Variants in SGCD observed in about 807,000 individuals in gnomAD.
The protein encoded by SGCD is delta-sarcoglycan.
A neutral mutation model predicts 36.6 loss-of-function variants in SGCD; 18 were observed. The observed-to-expected ratio is 0.49, with a 90% CI of 0.34 to 0.73. The LOEUF (loss-of-function observed/expected upper bound fraction) is 0.73, where lower values mean the gene tolerates loss of function less well. Ranked by LOEUF, SGCD falls within the 30% of genes least tolerant of loss-of-function variation. The pLI, the probability that SGCD is intolerant of heterozygous loss-of-function variation, is 0.01. For missense variants in SGCD, 387 were observed against 346.7 expected (o/e 1.12, Z -0.92); for synonymous variants, 133 against 130.6 (o/e 1.02, Z -0.12).
chr5:156,651,006 T>C (rs1422835513), intron 7 of SGCD, among the ~76,000 whole-genome samples: 2 of 152,190 alleles, frequency 1.3e-5, no homozygotes, highest in Admixed American at 6.6e-5. Context: ...TTTTTAATAA[T>C]AGTCATTCTG....
intron 6 of SGCD, among the ~76,000 whole-genome samples, chr5:156,627,487 T>C (rs1200772410): frequency 6.6e-6 from 1 of 152,044 alleles, no homozygotes; most frequent in East Asian, 1.9e-4. Flanking sequence ...TAAAAGGGAG[T>C]CTTTATATGA....
At chr5:156,049,506 A>C (rs1469752883) in intron 1 of SGCD, among the ~76,000 whole-genome samples, 1 of 146,088 alleles carries the variant, frequency 6.8e-6, no homozygotes, top group Non-Finnish European at 1.5e-5. Context: ...TTAATTGAGC[A>C]GTGGTTTGTA....
chr5:156,220,362 A>G (rs1435457790), intron 3 of SGCD, among the ~76,000 whole-genome samples: 2 of 152,178 alleles, frequency 1.3e-5, no homozygotes, highest in Non-Finnish European at 2.9e-5. Context: ...TTAATGCTAT[A>G]AAGAATTCAT....
intron 3 of SGCD, among the ~76,000 whole-genome samples, chr5:156,488,283 T>A (rs1755792968): frequency 6.6e-6 from 1 of 151,884 alleles, no homozygotes; most frequent in African/African-American, 2.4e-5. Flanking sequence ...GCTTTTCAAT[T>A]TTTACAAAAG....
chr5:156,655,855 A>G (rs1239492712), intron 7 of SGCD, among the ~76,000 whole-genome samples: 1 of 152,086 alleles, frequency 6.6e-6, no homozygotes, highest in African/African-American at 2.4e-5. Flanking sequence ...AAATGGAAAA[A>G]TCACTGATCT....
At chr5:155,977,307 AC>A (rs1758136202) in intron 1 of SGCD, among the ~76,000 whole-genome samples, 1 of 152,212 alleles carries the variant, frequency 6.6e-6, no homozygotes, top group South Asian at 2.1e-4. Context: ...ACCCACTGGT[AC>A]TTACCCTCAT....
intron 4 of SGCD, among the ~76,000 whole-genome samples, chr5:156,586,627 T>C (rs1376816975): frequency 6.6e-6 from 1 of 152,260 alleles, no homozygotes; most frequent in African/African-American, 2.4e-5. Context: ...TTTTATGCTC[T>C]GGGTTATAAT....
chr5:156,107,323 G>C (rs1761672935), intron 1 of SGCD, among the ~76,000 whole-genome samples: 2 of 152,240 alleles, frequency 1.3e-5, no homozygotes, highest in Non-Finnish European at 2.9e-5. Flanking sequence ...TGGGCCCTCT[G>C]TCTAGGAAAA....
chr5:156,054,395 C>G (rs1249928349), intron 1 of SGCD, among the ~76,000 whole-genome samples: 1 of 143,242 alleles, frequency 7.0e-6, no homozygotes, highest in Non-Finnish European at 1.6e-5. Context: ...ACGCCATTCT[C>G]CTGCCTCAGC....
chr5:156,026,952 G>C (rs1343110787), intron 1 of SGCD, among the ~76,000 whole-genome samples: 1 of 152,154 alleles, frequency 6.6e-6, no homozygotes, highest in Non-Finnish European at 1.5e-5. Flanking sequence ...TGGTGTTACT[G>C]TGTTTCAATA....
At chr5:156,588,566 C>T (rs1760587480) in intron 4 of SGCD, among the ~76,000 whole-genome samples, 1 of 151,956 alleles carries the variant, frequency 6.6e-6, no homozygotes, top group Non-Finnish European at 1.5e-5. Context: ...AAATGTGTAC[C>T]ACTGTGTGAA....
intron 3 of SGCD, among the ~76,000 whole-genome samples, chr5:156,127,852 T>C (rs1202824769): frequency 1.4e-4 from 1 of 7,258 alleles, no homozygotes; most frequent in East Asian, 2.3e-3. Flanking sequence ...GAAACATAAA[T>C]GCAAAAAAAA....
chr5:156,286,340 T>C lies in SGCD; in HGVS notation c.-43-43194T>C, dbSNP rs566110216. ...CATTACTGGGTATATACCCAAAGGA[T>C]TATAAATCATGCTGCTATAAAGACA... is the stretch of plus-strand genomic sequence containing the variant. On this transcript the variant is annotated intron_variant, in intron 3 of 9. Coordinates refer to the SGCD transcript ENST00000517913. 8.5e-5 allele frequency among the ~76,000 whole-genome samples: 13 copies of C among 152,244 alleles called. No homozygotes were observed. The East Asian group carries it at 1.2e-3, about 14-fold the overall frequency.
At chr5:156,539,838 C>G (rs1397331806) in intron 4 of SGCD, among the ~76,000 whole-genome samples, 2 of 151,990 alleles carry the variant, frequency 1.3e-5, no homozygotes, top group Admixed American at 1.3e-4. Context: ...TATTCTTTAT[C>G]TGAATGGCAA....
chr5:156,003,621 G>T (rs1288216965), intron 1 of SGCD, among the ~76,000 whole-genome samples: 2 of 152,160 alleles, frequency 1.3e-5, no homozygotes, highest in Non-Finnish European at 2.9e-5. Context: ...ATGACTTAAT[G>T]ATTTCCACCA....
At chr5:156,279,618 T>C (rs981054748) in intron 3 of SGCD, among the ~76,000 whole-genome samples, 1 of 152,172 alleles carries the variant, frequency 6.6e-6, no homozygotes, top group Non-Finnish European at 1.5e-5. Flanking sequence ...TTCCTCTTTT[T>C]TGGGGGAACA....
At chr5:156,614,904 C>G (rs1185925226) in intron 6 of SGCD, among the ~76,000 whole-genome samples, 1 of 152,154 alleles carries the variant, frequency 6.6e-6, no homozygotes, top group Non-Finnish European at 1.5e-5. Context: ...TCTTCAGGGC[C>G]TTGCTTTCAT....
intron 1 of SGCD, among the ~76,000 whole-genome samples, chr5:156,053,304 G>A (rs535775157): frequency 4.1e-5 from 6 of 145,872 alleles, no homozygotes; most frequent in South Asian, 2.2e-4. Context: ...CATGTAACAT[G>A]GTCACCATCC....
At chr5:156,055,120 C>G (rs1323303016) in intron 1 of SGCD, among the ~76,000 whole-genome samples, 1 of 144,178 alleles carries the variant, frequency 6.9e-6, no homozygotes, top group Admixed American at 6.9e-5. Flanking sequence ...AATTCTTTGC[C>G]TATAGCAGTG....
Sources: gnomAD v4.1 joint callset for allele counts (sites outside exome capture counted in the v4.1 genomes callset) on GRCh38, gnomAD v4.1.1 for gene constraint, MANE v1.5 for transcripts, NCBI Gene and HGNC (gene_info 2026-07-23, HGNC 2026-07-21) for gene names.